PARD3: variants seen among roughly 807,000 people sequenced by gnomAD.
PARD3 encodes the protein par-3 family cell polarity regulator, also known as partitioning defective 3 homolog.
A neutral mutation model predicts 155.4 loss-of-function variants in PARD3; 75 were observed. That is an observed-to-expected ratio of 0.48 (90% confidence interval 0.40 to 0.58). PARD3 has a LOEUF of 0.58. PARD3 is among the 20% of genes least tolerant of loss of function. The pLI, the probability that PARD3 is intolerant of heterozygous loss-of-function variation, is 0.00. For synonymous variants in PARD3, 576 were observed against 610.5 expected (o/e 0.94, Z 0.83); for missense variants, 1,642 against 1,721.7 (o/e 0.95, Z 0.82).
chr10:34,541,196 G>A (rs933138937), intron 2 of PARD3, among the ~76,000 whole-genome samples: 1 of 152,064 alleles, frequency 6.6e-6, no homozygotes, highest in Non-Finnish European at 1.5e-5. Flanking sequence ...ATTCCCTAGG[G>A]AGAAACCTTC....
At chr10:34,414,828 T>TA (rs34139593) in intron 5 of PARD3, among the ~76,000 whole-genome samples, 2 of 151,254 alleles carry the variant, frequency 1.3e-5, no homozygotes, top group Admixed American at 6.6e-5. Context: ...AGAAAACAAA[T>TA]AAAAAAAATT....
At chr10:34,226,751 T>A (rs144460919) in intron 22 of PARD3, among the ~76,000 whole-genome samples, 1 of 152,302 alleles carries the variant, frequency 6.6e-6, no homozygotes, top group East Asian at 1.9e-4. Context: ...GAAAAACTTG[T>A]ATGCACAAGT....
At chr10:34,169,868 C>A (rs1949707421) in intron 22 of PARD3, among the ~76,000 whole-genome samples, 1 of 152,182 alleles carries the variant, frequency 6.6e-6, no homozygotes, top group Non-Finnish European at 1.5e-5. Flanking sequence ...GGGCCACCAG[C>A]TTCTTTTAGA....
intron 2 of PARD3, among the ~76,000 whole-genome samples, chr10:34,645,702 G>A (rs1335726243): frequency 6.6e-6 from 1 of 152,178 alleles, no homozygotes; most frequent in Non-Finnish European, 1.5e-5. Flanking sequence ...CTGCGGCTGG[G>A]AGCAACTAAG....
chr10:34,806,799 A>G (rs1843452495), intron 1 of PARD3, among the ~76,000 whole-genome samples: 1 of 152,244 alleles, frequency 6.6e-6, no homozygotes, highest in Non-Finnish European at 1.5e-5. Flanking sequence ...AAGCCACTGC[A>G]CATCACTTAT....
chr10:34,624,618 G>T (rs937251781), intron 2 of PARD3, among the ~76,000 whole-genome samples: 11 of 152,242 alleles, frequency 7.2e-5, no homozygotes, highest in Admixed American at 5.2e-4. Context: ...GAGGAGGACA[G>T]GCCTTCATTC....
At position 34,352,738 on chromosome 10, in the gene PARD3, C is replaced by G. The variant is rs187163139; in HGVS notation, c.2068-4623G>C. Among the ~76,000 whole-genome samples, 1,373 of 152,320 alleles carry G rather than the reference C, an allele frequency of 9.0e-3. 18 individuals are homozygous for G. The highest frequency in any genetic ancestry group is 0.031 in the African/African-American group (1,304 of 41,572). On this transcript the variant is annotated intron_variant, in intron 14 of 24. Coordinates refer to ENST00000374788, the MANE Select transcript of PARD3 (RefSeq NM_001184785.2). ...CGCCTGCCTTGGCCTCCCAAAGTGCCGAGATTGCAGCCTCTGCCCGGCCGC... is the reference window on the plus strand; with the variant it reads ...CGCCTGCCTTGGCCTCCCAAAGTGCGGAGATTGCAGCCTCTGCCCGGCCGC...
At chr10:34,726,621 C>T (rs148140113) in intron 1 of PARD3, among the ~76,000 whole-genome samples, 6 of 152,152 alleles carry the variant, frequency 3.9e-5, no homozygotes, top group African/African-American at 9.6e-5. Context: ...ATTAGCTGGG[C>T]GTGGTGACAG....
chr10:34,782,319 G>T (rs12354703), intron 1 of PARD3, among the ~76,000 whole-genome samples: 86 of 152,268 alleles, frequency 5.6e-4, no homozygotes, highest in Middle Eastern at 3.4e-3. Flanking sequence ...CTCCTCCACT[G>T]GGCGCTGGAG....
chr10:34,390,326 T>C (rs1042899654), intron 7 of PARD3, among the ~76,000 whole-genome samples: 2 of 152,138 alleles, frequency 1.3e-5, no homozygotes, highest in African/African-American at 4.8e-5. Flanking sequence ...TTTCTCTGAT[T>C]GGGTAGACTA....
At chr10:34,233,610 C>A (rs1489744603) in intron 22 of PARD3, among the ~76,000 whole-genome samples, 1 of 152,092 alleles carries the variant, frequency 6.6e-6, no homozygotes, top group African/African-American at 2.4e-5. Flanking sequence ...CTCTTGCTTT[C>A]TGCATCTCAA....
At chr10:34,397,751 T>C (rs1022809015) in intron 7 of PARD3, among the ~76,000 whole-genome samples, 7 of 152,228 alleles carry the variant, frequency 4.6e-5, no homozygotes, top group Non-Finnish European at 8.8e-5. Flanking sequence ...TAACATGTAA[T>C]TGAAATGCTG....
rs144265139 is a variant in PARD3 at position 34,176,818 on chromosome 10, C to G, written c.3420-45235G>C. ...AGATCAAAGTCAGCCAATGGTAAAA[C>G]TCTAAATGACAAAGCCACTGAACTC... On this transcript the variant is annotated intron_variant, in intron 22 of 24. Coordinates refer to ENST00000374788, the MANE Select transcript of PARD3 (RefSeq NM_001184785.2). Among the ~76,000 whole-genome samples, 917 of 152,250 alleles carry G rather than the reference C, an allele frequency of 6.0e-3. 8 individuals are homozygous for G. The highest frequency in any genetic ancestry group is 0.021 in the African/African-American group (863 of 41,532).
intron 22 of PARD3, among the ~76,000 whole-genome samples, chr10:34,196,824 T>G (rs910251467): frequency 1.3e-5 from 2 of 152,098 alleles, no homozygotes; most frequent in African/African-American, 2.4e-5. Flanking sequence ...CCGCCCACCT[T>G]GGCCTCCCAG....
rs114176956 is a variant in PARD3, at chr10:34,516,753, T to C, written c.403+226A>G. Among the ~76,000 whole-genome samples the C allele has an allele frequency of 9.6e-3, 1,469 of 152,320 alleles. 21 individuals are homozygous for C. Among genetic ancestry groups the C allele is most frequent in the African/African-American group, 0.034 (1,395 of 41,572 alleles). On this transcript the variant is annotated intron_variant, in intron 3 of 24. Coordinates refer to ENST00000374788, the MANE Select transcript of PARD3 (RefSeq NM_001184785.2). ...CTTGAACTATTGTCCTTATTTACAG[T>C]TAGCGAGTCACGGAAAGTCTACTAG...
chr10:34,150,537 A>G (rs1451142513), intron 22 of PARD3, among the ~76,000 whole-genome samples: 1 of 152,190 alleles, frequency 6.6e-6, no homozygotes, highest in Non-Finnish European at 1.5e-5. Flanking sequence ...TGAAGTCGGG[A>G]TCTCGTGGGA....
At chr10:34,536,932 G>T (rs1247434779) in intron 2 of PARD3, among the ~76,000 whole-genome samples, 1 of 152,196 alleles carries the variant, frequency 6.6e-6, no homozygotes, top group East Asian at 1.9e-4. Flanking sequence ...CTGAGCGAAA[G>T]AAAAATTAGG....
At chr10:34,429,660 A>C (rs1205976546) in intron 5 of PARD3, among the ~76,000 whole-genome samples, 1 of 152,082 alleles carries the variant, frequency 6.6e-6, no homozygotes, top group Non-Finnish European at 1.5e-5. Context: ...ATCTCAGTTC[A>C]CCACAACCTC....
chr10:34,504,905 G>C lies in PARD3; in HGVS notation c.403+12074C>G, dbSNP rs150055528. 1.8e-3 allele frequency among the ~76,000 whole-genome samples: 268 copies of C among 152,344 alleles called. 1 individual carries two copies. The highest frequency in any genetic ancestry group is 6.1e-3 in the African/African-American group (253 of 41,570). On this transcript the variant is annotated intron_variant, in intron 3 of 24. Coordinates refer to ENST00000374788, the MANE Select transcript of PARD3 (RefSeq NM_001184785.2). The stretch of plus-strand genomic sequence containing the variant: ...AAAGGAGAGATCTATATCAAGTGCA[G>C]CGAGAAGAGGGGAAAGAATTGTATC...
Sources: gnomAD v4.1 joint callset for allele counts (sites outside exome capture counted in the v4.1 genomes callset) on GRCh38, gnomAD v4.1.1 for gene constraint, MANE v1.5 for transcripts, NCBI Gene and HGNC (gene_info 2026-07-23, HGNC 2026-07-21) for gene names.